PIEZO2: variants seen among roughly 807,000 people sequenced by gnomAD.
PIEZO2 encodes piezo type mechanosensitive ion channel component 2.
In PIEZO2, 172 loss-of-function variants were observed where a neutral mutation model predicts 337.3. The ratio of observed to expected loss-of-function variants is 0.51; its 90% CI spans 0.45 to 0.58. The LOEUF is 0.58. PIEZO2 is among the 20% of genes least tolerant of loss of function. The probability of loss-of-function intolerance (pLI) is 0.00; values close to 1 mark genes in which losing one functional copy is unlikely to be tolerated. For synonymous variants in PIEZO2, 1,251 were observed against 1,228.5 expected (o/e 1.02, Z -0.38); for missense variants, 3,028 against 3,391.3 (o/e 0.89, Z 2.66).
At position 10,672,597 on chromosome 18, in the gene PIEZO2, C is replaced by T. The variant is rs2033826148; in HGVS notation, c.8345+93G>A. 13 of 1,383,302 alleles carry T rather than the reference C, an allele frequency of 9.4e-6. No individual in the cohort carries two copies. Among genetic ancestry groups the T allele is most frequent in the African/African-American group, 2.9e-5 (2 of 68,056 alleles). 85.7% of individuals were successfully genotyped at this position (1,383,302 alleles called of 1,614,324 possible). ...TTTAATACTGCAGCTCTAAAATTAG[C>T]GAATTCTAAGAAGATAAAAGGCTTC... On this transcript the variant is annotated intron_variant, in intron 55 of 55. Transcript: ENST00000674853. This position sits in a 1 kb window ranked among gnomAD's most constrained non-coding sequence, Gnocchi z 4.7.
At chr18:10,675,944 T>C (rs1346663335) in intron 53 of PIEZO2, among the ~76,000 whole-genome samples, 1 of 152,194 alleles carries the variant, frequency 6.6e-6, no homozygotes, top group East Asian at 1.9e-4. Context: ...TCCACCATGA[T>C]TGTGAGGCCT....
At chr18:10,947,706 T>C (rs568254463) in intron 3 of PIEZO2, among the ~76,000 whole-genome samples, 4 of 152,302 alleles carry the variant, frequency 2.6e-5, no homozygotes, top group African/African-American at 7.2e-5. Context: ...GCAGATAGGA[T>C]AGTTTATACA....
chr18:11,087,473 G>A (rs989284662), intron 1 of PIEZO2, among the ~76,000 whole-genome samples: 1 of 152,120 alleles, frequency 6.6e-6, no homozygotes, highest in African/African-American at 2.4e-5. Context: ...TCTGAGTATA[G>A]ATAATAAAAA....
intron 23 of PIEZO2, 35 bp from the exon 24 acceptor site, chr18:10,761,146 AGG>A (rs1188915350): frequency 6.6e-7 from 1 of 1,508,044 alleles, no homozygotes; most frequent in African/African-American, 1.4e-5. Flanking sequence ...TGTCAGCCAG[AGG>A]CTTTATGATT....
chr18:11,090,366 A>G (rs9963413), intron 1 of PIEZO2, among the ~76,000 whole-genome samples: 43,403 of 152,166 alleles, frequency 0.29, 7,434 homozygotes, highest in African/African-American at 0.45. Context: ...AAAGTGAAAC[A>G]TAAGTATCTA....
At position 11,112,417 on chromosome 18, in the gene PIEZO2, A is replaced by T. The variant is rs2039762890; in HGVS notation, c.64+36108T>A. ...CGCTTTAATTAAAGAGGCCTACAAC[A>T]TCAGAATCTAAGTGTCATGACCAAA... is the stretch of plus-strand genomic sequence containing the variant. On this transcript the variant is annotated intron_variant, in intron 1 of 55. Coordinates refer to ENST00000674853, the MANE Select transcript of PIEZO2 (RefSeq NM_001378183.1). This position sits in a 1 kb window ranked among gnomAD's most constrained non-coding sequence, Gnocchi z 4.3. Among the ~76,000 whole-genome samples the T allele has an allele frequency of 6.6e-6, 1 of 152,212 alleles. No individual in the cohort carries two copies. Among genetic ancestry groups the T allele is most frequent in the Admixed American group, 6.5e-5 (1 of 15,284 alleles).
chr18:11,148,213 C>T lies in PIEZO2; in HGVS notation c.64+312G>A, dbSNP rs1427590671. Among the ~76,000 whole-genome samples the T allele has an allele frequency of 6.6e-6, 1 of 152,148 alleles. No homozygotes were observed. The highest frequency in any genetic ancestry group is 1.5e-5 in the Non-Finnish European group (1 of 68,038). ...CGATGGGGACGCATCCGCCTTCCAGCCACAGCAATGGCCATCCTTAGTACA... is the reference window on the plus strand; with the variant it reads ...CGATGGGGACGCATCCGCCTTCCAGTCACAGCAATGGCCATCCTTAGTACA... On this transcript the variant is annotated intron_variant, in intron 1 of 55. Coordinates refer to ENST00000674853, the MANE Select transcript of PIEZO2 (RefSeq NM_001378183.1). The surrounding 1 kb of genome is among the most constrained non-coding windows in gnomAD (Gnocchi z 5.2).
chr18:10,872,116 GA>G lies in PIEZO2; in HGVS notation c.330-702del, dbSNP rs2042154111. Reference sequence around the variant, plus strand: ...GAGATACTAGGTCACGGTTTTAGAAGAAAATATAAATACATATACATGAAAT... The same window carrying G: ...GAGATACTAGGTCACGGTTTTAGAAGAAATATAAATACATATACATGAAAT... On this transcript the variant is annotated intron_variant, in intron 4 of 55. Transcript: ENST00000674853. This position sits in a 1 kb window ranked among gnomAD's most constrained non-coding sequence, Gnocchi z 4.3. 6.6e-6 allele frequency among the ~76,000 whole-genome samples: 1 copy of G among 152,124 alleles called. No homozygotes were observed. Among genetic ancestry groups the G allele is most frequent in the Non-Finnish European group, 1.5e-5 (1 of 68,022 alleles).
At chr18:11,023,833 G>A (rs978977662) in intron 2 of PIEZO2, among the ~76,000 whole-genome samples, 12 of 152,324 alleles carry the variant, frequency 7.9e-5, no homozygotes, top group Non-Finnish European at 1.3e-4. Flanking sequence ...CGAGCGCAGC[G>A]CCGGTGGGCC....
In PIEZO2 at chr18:10,940,233, C is replaced by T. The variant is rs1481301759; in HGVS notation, c.287-29005G>A. ...TTGGTGATTGCTGATATTCAAGATG[C>T]GTGAATTAGTGAGTACCTCATAAAG... On this transcript the variant is annotated intron_variant, in intron 3 of 55. Transcript: ENST00000674853. This position sits in a 1 kb window ranked among gnomAD's most constrained non-coding sequence, Gnocchi z 5.3. Among the ~76,000 whole-genome samples, 1 of 152,116 alleles carries T rather than the reference C, an allele frequency of 6.6e-6. No individual in the cohort carries two copies. The highest frequency in any genetic ancestry group is 2.4e-5 in the African/African-American group (1 of 41,424).
intron 7 of PIEZO2, among the ~76,000 whole-genome samples, chr18:10,836,536 T>C (rs2041019441): frequency 6.6e-6 from 1 of 152,214 alleles, no homozygotes; most frequent in Non-Finnish European, 1.5e-5. Flanking sequence ...TGTGAAGCTA[T>C]TGTTAATTCC....
At chr18:11,026,995 C>T (rs1040617035) in intron 2 of PIEZO2, among the ~76,000 whole-genome samples, 3 of 152,212 alleles carry the variant, frequency 2.0e-5, no homozygotes, top group Non-Finnish European at 4.4e-5. Context: ...AAGCTCTGCA[C>T]AGCACTTATG....
At chr18:11,134,106 G>A (rs2040414657) in intron 1 of PIEZO2, among the ~76,000 whole-genome samples, 1 of 152,160 alleles carries the variant, frequency 6.6e-6, no homozygotes, top group Admixed American at 6.6e-5. Context: ...AGACCCATGT[G>A]ATCAGCACAT....
chr18:11,146,400 C>T lies in PIEZO2; in HGVS notation c.64+2125G>A, dbSNP rs9951453. The stretch of plus-strand genomic sequence containing the variant: ...ACCACAGAAGAAGCTCGGTGGGGGT[C>T]CCAGTGGTGAGAGGCAGGGCTGAAT... On this transcript the variant is annotated intron_variant, in intron 1 of 55. Coordinates refer to ENST00000674853, the MANE Select transcript of PIEZO2 (RefSeq NM_001378183.1). The surrounding 1 kb of genome is among the most constrained non-coding windows in gnomAD (Gnocchi z 6.1). 0.43 allele frequency among the ~76,000 whole-genome samples: 64,594 copies of T among 151,806 alleles called. 13,784 individuals carry two copies. The highest frequency in any genetic ancestry group is 0.48 in the Middle Eastern group (141 of 294).
Position 11,109,998 on chromosome 18 carries a change from G to A in PIEZO2, c.64+38527C>T, listed in dbSNP as rs1359687278. On this transcript the variant is annotated intron_variant, in intron 1 of 55. Transcript: ENST00000674853. This position sits in a 1 kb window ranked among gnomAD's most constrained non-coding sequence, Gnocchi z 5.1. ...AGGTAACATTTGACCATGTGAGTCT[G>A]AAAACATGTTTCTTCCATTTCCATC... is the stretch of plus-strand genomic sequence containing the variant. Among the ~76,000 whole-genome samples the A allele has an allele frequency of 1.3e-5, 2 of 152,208 alleles. No homozygotes were observed. Among genetic ancestry groups the A allele is most frequent in the Non-Finnish European group, 2.9e-5 (2 of 68,042 alleles).
chr18:10,770,588 C>T (rs2038560779), intron 20 of PIEZO2, among the ~76,000 whole-genome samples: 3 of 151,340 alleles, frequency 2.0e-5, no homozygotes, highest in South Asian at 4.2e-4. Flanking sequence ...TTCCTTCCTT[C>T]CTTCCACTCG....
At chr18:10,967,704 G>T (rs558076326) in intron 3 of PIEZO2, among the ~76,000 whole-genome samples, 1 of 152,018 alleles carries the variant, frequency 6.6e-6, no homozygotes, top group Non-Finnish European at 1.5e-5. Flanking sequence ...CATGTTGAGC[G>T]TTTTTTCATA....
chr18:10,778,791 G>A (rs1205553350), intron 18 of PIEZO2, among the ~76,000 whole-genome samples: 3 of 152,182 alleles, frequency 2.0e-5, no homozygotes, highest in African/African-American at 7.2e-5. Context: ...TGTGGCTTGG[G>A]ATAAGGGGCA....
In PIEZO2 at chr18:10,857,094, G is replaced by A. The variant is rs908782010; in HGVS notation, c.610C>T (p.Leu204Phe). 1 of 1,537,486 alleles carries A rather than the reference G, an allele frequency of 6.5e-7. No individual in the cohort carries two copies. The highest frequency in any genetic ancestry group is 8.7e-7 in the Non-Finnish European group (1 of 1,146,990). ...ESTKLKMFRR[L>F]ASVASKLKEF... ...TTGAGCTTAGAGGCCACAGAGGCAA[G>A]CCTGCGGAACATTTTTAACTTCGTG... The change falls in exon 6 of 56, where the codon CTT becomes TTT. Residue 204 changes from leucine (L) to phenylalanine (F), a missense_variant. Around this residue, in one of 5 missense-constraint regions of PIEZO2, gnomAD observed 542 missense variants for 605.6 expected, o/e 0.89. Transcript: ENST00000674853.
Sources: gnomAD v4.1 joint callset for allele counts (sites outside exome capture counted in the v4.1 genomes callset) on GRCh38, gnomAD v4.1.1 for gene constraint, gnomAD v4.1.1 regional missense constraint, Gnocchi (gnomAD v3.1) non-coding constraint, MANE v1.5 for transcripts, NCBI Gene and HGNC (gene_info 2026-07-23, HGNC 2026-07-21) for gene names.